Variants in GATAD2A observed in about 807,000 individuals in gnomAD.
The protein encoded by GATAD2A is GATA zinc finger domain containing 2A.
Under a neutral mutation model 68.5 loss-of-function variants are expected in GATAD2A, and 12 were observed. That is an observed-to-expected ratio of 0.18 (90% CI 0.11 to 0.28). GATAD2A has a LOEUF of 0.28. GATAD2A is among the 10% of genes least tolerant of loss of function. GATAD2A has a pLI of 1.00. For synonymous variants in GATAD2A, 410 were observed against 375.3 expected (o/e 1.09, Z -1.07); for missense variants, 755 against 868.5 (o/e 0.87, Z 1.64).
chr19:19,404,059 C>G (rs1169167519), upstream of GATAD2A, among the ~76,000 whole-genome samples: 1 of 151,994 alleles, frequency 6.6e-6, no homozygotes, highest in African/African-American at 2.4e-5. Context: ...AGGTTGAATT[C>G]TCTTTTGGCC....
chr19:19,429,017 GTTT>G (rs35115269), intron 1 of GATAD2A, among the ~76,000 whole-genome samples: 32 of 130,058 alleles, frequency 2.5e-4, no homozygotes, highest in Admixed American at 4.6e-4. Context: ...GCATTTGTAT[GTTT>G]TTTTTTTTTT....
chr19:19,412,372 G>A (rs1016880716), intron 1 of GATAD2A, among the ~76,000 whole-genome samples: 1 of 151,800 alleles, frequency 6.6e-6, no homozygotes, highest in South Asian at 2.1e-4. Flanking sequence ...GGCCAGGATG[G>A]TCTTGATTTC....
chr19:19,496,045 C>G lies in GATAD2A; in HGVS notation c.757-7C>G. On this transcript the variant is annotated splice_polypyrimidine_tract_variant and splice_region_variant and intron_variant, in intron 6 of 11. Coordinates refer to ENST00000683918, the MANE Select transcript of GATAD2A (RefSeq NM_001384528.1). ...GATTTCTTGTTCTCCCCACCCTACC[C>G]CAACAGCAAATCCACAGCATTAGGC... The G allele has an allele frequency of 1.2e-6, 2 of 1,613,012 alleles. No homozygotes were observed. The highest frequency in any genetic ancestry group is 2.2e-5 in the South Asian group (2 of 91,050).
chr19:19,406,778 G>GCTTTCAACAA (rs1264652700), intron 1 of GATAD2A, among the ~76,000 whole-genome samples: 4 of 152,160 alleles, frequency 2.6e-5, no homozygotes, highest in Non-Finnish European at 5.9e-5. Context: ...AAGGCTTATG[G>GCTTTCAACAA]GCAGGGCCCA....
intron 2 of GATAD2A, 40 bp from the exon 3 acceptor site, chr19:19,492,266 T>C (rs746953800): frequency 1.9e-6 from 3 of 1,576,382 alleles, no homozygotes; most frequent in Non-Finnish European, 2.6e-6. Context: ...TGGGTCCAGC[T>C]GTCAAGGGCG....
chr19:19,474,550 G>A (rs2058540694), intron 2 of GATAD2A, among the ~76,000 whole-genome samples: 1 of 152,170 alleles, frequency 6.6e-6, no homozygotes, highest in Non-Finnish European at 1.5e-5. Context: ...GTGTGTATTG[G>A]TGTGCCTCTG....
chr19:19,401,621 G>A (rs893240245), upstream of GATAD2A, among the ~76,000 whole-genome samples: 4 of 151,842 alleles, frequency 2.6e-5, no homozygotes, highest in East Asian at 7.7e-4. Context: ...GGCTTCTTGG[G>A]CTCCAAAATC....
intron 1 of GATAD2A, among the ~76,000 whole-genome samples, chr19:19,426,027 A>T (rs1433734456): frequency 6.6e-6 from 1 of 152,068 alleles, no homozygotes; most frequent in Middle Eastern, 3.2e-3. Flanking sequence ...AGCTCACGCA[A>T]TCCATCCACC....
chr19:19,507,146 G>A lies in GATAD2A; in HGVS notation c.*1672G>A, dbSNP rs943964332. 6.0e-5 allele frequency: 9 copies of A among 149,128 alleles called. No homozygotes were observed. The highest frequency in any genetic ancestry group is 2.2e-4 in the African/African-American group (9 of 40,542). 9.2% of individuals were successfully genotyped at this position (149,128 alleles called of 1,614,324 possible). A position where few individuals can be genotyped will look rare whatever the true frequency, so the allele number is the denominator to read the frequency against. ...ACTTGGATGGGCTGAAGGAGGTGAG[G>A]ACAGATTGGGGAAGGGTGGCTTTCA... On this transcript the variant is annotated 3_prime_UTR_variant, in exon 12 of 12. Coordinates refer to ENST00000683918, the MANE Select transcript of GATAD2A (RefSeq NM_001384528.1).
At chr19:19,419,098 CT>C (rs1381031025) in intron 1 of GATAD2A, among the ~76,000 whole-genome samples, 2 of 152,280 alleles carry the variant, frequency 1.3e-5, no homozygotes, top group Non-Finnish European at 2.9e-5. Context: ...TCCCCTCCCC[CT>C]GGTCTGTGCC....
exon 1 of GATAD2A, chr19:19,385,847 T>TGAGACTGAGCCGC (rs2048377089): frequency 6.6e-6 from 1 of 151,944 alleles, no homozygotes; most frequent in African/African-American, 2.4e-5. Context: ...AATTTCAGTG[T>TGAGACTGAGCCGC]GAGACTGAGC....
intron 1 of GATAD2A, among the ~76,000 whole-genome samples, chr19:19,424,624 C>T (rs1187308733): frequency 2.0e-5 from 3 of 152,002 alleles, no homozygotes; most frequent in African/African-American, 4.8e-5. Context: ...CCTCCTGCCT[C>T]GGCCTCCCAA....
At chr19:19,412,068 A>ATC (rs67449967) in intron 1 of GATAD2A, among the ~76,000 whole-genome samples, 429 of 138,530 alleles carry the variant, frequency 3.1e-3, no homozygotes, top group East Asian at 8.0e-3. Context: ...GCAATCCCCC[A>ATC]TCTCTCTCTC....
intron 2 of GATAD2A, among the ~76,000 whole-genome samples, chr19:19,477,543 GA>G (rs2058757083): frequency 6.6e-6 from 1 of 152,148 alleles, no homozygotes; most frequent in Non-Finnish European, 1.5e-5. Flanking sequence ...CTGCAGCCCA[GA>G]AATCATGGTG....
chr19:19,420,920 C>T (rs2052344173), intron 1 of GATAD2A, among the ~76,000 whole-genome samples: 1 of 152,186 alleles, frequency 6.6e-6, no homozygotes, highest in Non-Finnish European at 1.5e-5. Flanking sequence ...AATTGTTAGC[C>T]ACTGTTTCCT....
At chr19:19,402,028 A>C (rs900581116), upstream of GATAD2A, 5 of 152,110 alleles carry the variant, frequency 3.3e-5, no homozygotes, top group African/African-American at 1.2e-4. Context: ...TATGAAAGAC[A>C]ATAAAGTTTA....
chr19:19,424,186 AG>A (rs1163264985), intron 1 of GATAD2A, among the ~76,000 whole-genome samples: 2 of 152,082 alleles, frequency 1.3e-5, no homozygotes, highest in African/African-American at 4.8e-5. Flanking sequence ...AGCGTCCCAA[AG>A]GGCTGGGATT....
At position 19,465,411 on chromosome 19, in the gene GATAD2A, C is replaced by T. The variant is rs560991481; in HGVS notation, c.66C>T (p.Asp22=). Residue 22 remains aspartate, a synonymous_variant, in exon 2 of 12, where the codon GAC becomes GAT. Transcript: ENST00000683918. ...CGCTTGAACGGGACCCAACAGAGGA[C>T]GATGTGGAGAGCAAGAAAATAAAAA... is the stretch of plus-strand genomic sequence containing the variant. ...KRALERDPTE[D]DVESKKIKME... is the part of the protein sequence containing the mutation. 8.7e-5 allele frequency: 140 copies of T among 1,613,636 alleles called. No individual in the cohort carries two copies. Among genetic ancestry groups the T allele is most frequent in the Non-Finnish European group, 8.1e-5 (96 of 1,179,590 alleles).
chr19:19,474,381 A>G (rs1277858313), intron 2 of GATAD2A, among the ~76,000 whole-genome samples: 1 of 151,596 alleles, frequency 6.6e-6, no homozygotes, highest in Non-Finnish European at 1.5e-5. Flanking sequence ...TTACCATCCC[A>G]CTCCAGAAGG....
Sources: allele counts gnomAD v4.1 joint callset (sites outside exome capture counted in the v4.1 genomes callset), GRCh38; gene constraint gnomAD v4.1.1; transcripts MANE v1.5; gene names NCBI Gene and HGNC (gene_info 2026-07-23, HGNC 2026-07-21).